The following KDM4C variants were observed in gnomAD, a reference collection of about 807,000 sequenced individuals.
KDM4C encodes the protein lysine-specific demethylase 4C.
A neutral mutation model predicts 129.3 loss-of-function variants in KDM4C; 81 were observed. The ratio of observed to expected loss-of-function variants is 0.63; its 90% CI spans 0.52 to 0.75. The LOEUF (loss-of-function observed/expected upper bound fraction) is 0.75, where lower values mean the gene tolerates loss of function less well. Among genes scored for constraint, KDM4C ranks in the 30% least tolerant of loss-of-function variants. KDM4C has a pLI of 0.00. For synonymous variants in KDM4C, 573 were observed against 456.1 expected (o/e 1.26, Z -3.26); for missense variants, 1,457 against 1,304.0 (o/e 1.12, Z -1.81).
At chr9:7,162,939 C>A (rs1843957779) in intron 19 of KDM4C, among the ~76,000 whole-genome samples, 1 of 152,082 alleles carries the variant, frequency 6.6e-6, no homozygotes, top group African/African-American at 2.4e-5. Flanking sequence ...TGTAAAGTAT[C>A]ACCTTTATGA....
intron 18 of KDM4C, among the ~76,000 whole-genome samples, chr9:7,119,719 A>G (rs183725364): frequency 7.8e-4 from 119 of 152,268 alleles, no homozygotes; most frequent in African/African-American, 2.7e-3. Context: ...TATGCATTTG[A>G]AAACATAGTT....
chr9:6,878,795 C>CCCCACACCCACACCCACA (rs372211631), intron 5 of KDM4C, among the ~76,000 whole-genome samples: 3 of 151,284 alleles, frequency 2.0e-5, no homozygotes, highest in Non-Finnish European at 2.9e-5. Flanking sequence ...AGGGACATAC[C>CCCCACACCCACACCCACA]CCCACACCCA....
At chr9:6,877,252 G>C (rs1035143204) in intron 5 of KDM4C, among the ~76,000 whole-genome samples, 8 of 152,204 alleles carry the variant, frequency 5.3e-5, no homozygotes, top group African/African-American at 1.4e-4. Context: ...CCAGGCTGGA[G>C]TGCAGTGGCG....
intron 9 of KDM4C, chr9:6,982,299 C>T (rs547233639): frequency 3.9e-5 from 6 of 151,958 alleles, no homozygotes; most frequent in African/African-American, 1.2e-4. Context: ...AGTCAAACTT[C>T]GGCATCTTAT....
chr9:7,128,294 GTAAC>G, intron 19 of KDM4C, 58 bp downstream of exon 19: 1 of 1,322,606 alleles, frequency 7.6e-7, no homozygotes. Context: ...AAAAACCAAA[GTAAC>G]TGAGCCCTTC....
intron 3 of KDM4C, among the ~76,000 whole-genome samples, chr9:6,810,215 A>T (rs186725401): frequency 1.3e-5 from 2 of 152,296 alleles, no homozygotes; most frequent in Admixed American, 6.5e-5. Flanking sequence ...TACACATTTT[A>T]TACATATCTC....
At chr9:6,826,303 CT>C (rs1209825311) in intron 4 of KDM4C, among the ~76,000 whole-genome samples, 1 of 151,650 alleles carries the variant, frequency 6.6e-6, no homozygotes, top group African/African-American at 2.4e-5. Context: ...TAAAAGTTAC[CT>C]TTTTGTTAAT....
At chr9:7,062,550 G>A (rs1275315562) in intron 17 of KDM4C, among the ~76,000 whole-genome samples, 1 of 151,840 alleles carries the variant, frequency 6.6e-6, no homozygotes, top group Non-Finnish European at 1.5e-5. Context: ...ACTATTTCCA[G>A]CTAATTTTTT....
intron 17 of KDM4C, among the ~76,000 whole-genome samples, chr9:7,060,373 C>G (rs957068647): frequency 2.0e-5 from 3 of 151,148 alleles, no homozygotes; most frequent in Non-Finnish European, 4.4e-5. Flanking sequence ...GTTCTTCTCC[C>G]TCTCCCTTGA....
chr9:6,776,598 C>CTTTTTTT (rs34450311), intron 1 of KDM4C, among the ~76,000 whole-genome samples: 2 of 106,192 alleles, frequency 1.9e-5, no homozygotes, highest in Non-Finnish European at 3.8e-5. Flanking sequence ...CTCAAACCCA[C>CTTTTTTT]TTTTTTTTTT....
intron 18 of KDM4C, among the ~76,000 whole-genome samples, chr9:7,115,249 A>T (rs1208428717): frequency 6.6e-6 from 1 of 152,158 alleles, no homozygotes; most frequent in Non-Finnish European, 1.5e-5. Flanking sequence ...TTTTCATGCA[A>T]AATGCTTGCT....
intron 1 of KDM4C, among the ~76,000 whole-genome samples, chr9:6,761,997 A>G (rs533302052): frequency 6.6e-6 from 1 of 151,688 alleles, no homozygotes; most frequent in Non-Finnish European, 1.5e-5. Context: ...ACGGGGTTTC[A>G]CCGTGTTGGC....
At chr9:7,029,139 C>G (rs544209135) in intron 15 of KDM4C, among the ~76,000 whole-genome samples, 66 of 152,234 alleles carry the variant, frequency 4.3e-4, no homozygotes, top group African/African-American at 1.4e-3. Context: ...TCTCCAAAAT[C>G]CTCTCATTAC....
chr9:6,899,107 C>T (rs1034472561), intron 8 of KDM4C, among the ~76,000 whole-genome samples: 9 of 148,802 alleles, frequency 6.0e-5, no homozygotes, highest in Middle Eastern at 7.1e-3. Flanking sequence ...TTCCTAGGTT[C>T]TGATGGTACA....
intron 8 of KDM4C, among the ~76,000 whole-genome samples, chr9:6,933,858 A>G (rs1234024738): frequency 6.7e-6 from 1 of 149,590 alleles, no homozygotes; most frequent in Non-Finnish European, 1.5e-5. Flanking sequence ...TTATTTATTT[A>G]TTTTTTTTTG....
chr9:6,805,249 A>G (rs564595256), intron 2 of KDM4C, among the ~76,000 whole-genome samples: 24 of 152,246 alleles, frequency 1.6e-4, no homozygotes, highest in Middle Eastern at 6.8e-3. Flanking sequence ...TGTGAATTCA[A>G]ACTGTTTTAA....
intron 1 of KDM4C, among the ~76,000 whole-genome samples, chr9:6,733,682 G>A (rs548516588): frequency 9.9e-5 from 15 of 152,194 alleles, no homozygotes; most frequent in Admixed American, 2.0e-4. Context: ...GGGAGAGTCC[G>A]TAGTGTAAAG....
rs1842397652 is a variant in KDM4C, at chr9:6,868,610, G to A, written c.630-11402G>A. On this transcript the variant is annotated intron_variant, in intron 5 of 21. Transcript: ENST00000381309. ...AGCCCTAATACAATGTTAATGCTAT[G>A]TAAATAGTTGTTATCCCGAATTGTT... Among the ~76,000 whole-genome samples the A allele has an allele frequency of 2.6e-5, 4 of 152,150 alleles. 1 individual carries two copies. The South Asian group carries it at 8.3e-4, about 32-fold the overall frequency.
chr9:6,969,457 T>C (rs892481344), intron 8 of KDM4C, among the ~76,000 whole-genome samples: 1 of 152,220 alleles, frequency 6.6e-6, no homozygotes. Flanking sequence ...GCATATTAAC[T>C]GACTTGAATT....
Sources: allele counts gnomAD v4.1 joint callset (sites outside exome capture counted in the v4.1 genomes callset), GRCh38; gene constraint gnomAD v4.1.1; transcripts MANE v1.5; gene names NCBI Gene and HGNC (gene_info 2026-07-23, HGNC 2026-07-21).